Variants in PSD3 observed in about 807,000 individuals in gnomAD.
PSD3 encodes the protein PH and SEC7 domain-containing protein 3.
In PSD3, 49 loss-of-function variants were observed where a neutral mutation model predicts 105.5. That is an observed-to-expected ratio of 0.46 (90% confidence interval 0.37 to 0.59). The LOEUF is 0.59. Among genes scored for constraint, PSD3 ranks in the 20% least tolerant of loss-of-function variants. PSD3 has a pLI of 0.00. For synonymous variants in PSD3, 557 were observed against 457.8 expected, an observed-to-expected ratio of 1.22 and a Z score of -2.77; for missense variants, 1,561 against 1,263.8, an observed-to-expected ratio of 1.24 and a Z score of -3.57.
At chr8:18,781,898 T>C (rs1808672287) in intron 8 of PSD3, among the ~76,000 whole-genome samples, 1 of 152,164 alleles carries the variant, frequency 6.6e-6, no homozygotes, top group Non-Finnish European at 1.5e-5. Flanking sequence ...TTTTTAAAAA[T>C]GTTATCTGCT....
chr8:18,684,204 CCACACACACACA>C (rs67855105), intron 9 of PSD3: 10,384 of 195,560 alleles, frequency 0.053, 402 homozygotes, highest in Non-Finnish European at 0.063. Context: ...TCTCTCTTTT[CCACACACACACA>C]CACACACACA....
chr8:18,547,723 T>C (rs983925728), intron 15 of PSD3, among the ~76,000 whole-genome samples: 1 of 152,214 alleles, frequency 6.6e-6, no homozygotes, highest in African/African-American at 2.4e-5. Flanking sequence ...GCTTTCAAGA[T>C]TCTCTATGTT....
At position 18,743,949 on chromosome 8, in the gene PSD3, A is replaced by T. The variant is rs117672886; in HGVS notation, c.2172+21500T>A. ...CACTCCAGCCTGGGTGAAAGTGCAA[A>T]CTCTGTCTCTCACCACCACCACCAC... On this transcript the variant is annotated intron_variant, in intron 9 of 15. Coordinates refer to ENST00000327040, the MANE Select transcript of PSD3 (RefSeq NM_015310.4). Among the ~76,000 whole-genome samples the T allele has an allele frequency of 2.2e-3, 263 of 117,688 alleles. 1 individual carries two copies. Among genetic ancestry groups the T allele is most frequent in the Non-Finnish European group, 4.1e-3 (221 of 54,114 alleles). The allele number at this position is 117,688 out of a possible 152,430, so 77.2% of individuals were successfully genotyped here. A position where few individuals can be genotyped will look rare whatever the true frequency, so the allele number is the denominator to read the frequency against.
At chr8:18,712,277 C>T (rs568028674) in intron 9 of PSD3, among the ~76,000 whole-genome samples, 32 of 149,986 alleles carry the variant, frequency 2.1e-4, no homozygotes, top group African/African-American at 7.4e-4. Flanking sequence ...CTAAAATCAG[C>T]GCAGAACTGA....
intron 10 of PSD3, among the ~76,000 whole-genome samples, chr8:18,649,978 A>G (rs1344870235): frequency 2.0e-5 from 3 of 152,226 alleles, no homozygotes; most frequent in Admixed American, 6.5e-5. Flanking sequence ...CTGTGAGCCA[A>G]TTAAACCTCT....
intron 2 of PSD3, among the ~76,000 whole-genome samples, chr8:18,906,761 A>C (rs564761548): frequency 1.2e-4 from 18 of 152,386 alleles, no homozygotes; most frequent in African/African-American, 4.3e-4. Context: ...AAACAAATAC[A>C]GTCATGCACC....
chr8:18,603,924 C>T (rs987452562), intron 11 of PSD3, among the ~76,000 whole-genome samples: 2 of 152,184 alleles, frequency 1.3e-5, no homozygotes, highest in Non-Finnish European at 2.9e-5. Flanking sequence ...TCCTGTACAG[C>T]CTGCAGACCC....
intron 1 of PSD3, among the ~76,000 whole-genome samples, chr8:19,042,118 C>T (rs545215358): frequency 5.9e-4 from 90 of 152,198 alleles, no homozygotes; most frequent in Non-Finnish European, 1.1e-3. Flanking sequence ...TGATGAGAAA[C>T]AGCTGAATGA....
chr8:18,846,156 T>A (rs1815075012), intron 4 of PSD3, among the ~76,000 whole-genome samples: 1 of 152,214 alleles, frequency 6.6e-6, no homozygotes, highest in Non-Finnish European at 1.5e-5. Context: ...ACATTCTTAA[T>A]AAGCCATTTA....
intron 10 of PSD3, among the ~76,000 whole-genome samples, chr8:18,637,620 T>C (rs1014993469): frequency 6.6e-6 from 1 of 152,250 alleles, no homozygotes; most frequent in African/African-American, 2.4e-5. Flanking sequence ...GTTTGTTCCC[T>C]ACCATTGTAA....
chr8:19,048,270 G>A (rs1828395036), intron 1 of PSD3, among the ~76,000 whole-genome samples: 1 of 152,134 alleles, frequency 6.6e-6, no homozygotes. Context: ...CCCACAGGCT[G>A]CAGAGTCCTG....
At chr8:18,618,484 G>A (rs919108202) in intron 11 of PSD3, among the ~76,000 whole-genome samples, 9 of 150,936 alleles carry the variant, frequency 6.0e-5, no homozygotes, top group African/African-American at 1.5e-4. Flanking sequence ...TAAAAATGAT[G>A]GCAAATGATG....
intron 1 of PSD3, among the ~76,000 whole-genome samples, chr8:19,070,265 T>C (rs1400929250): frequency 1.3e-5 from 2 of 152,022 alleles, no homozygotes; most frequent in Non-Finnish European, 1.5e-5. Context: ...AACCTTTTAT[T>C]TTCCTGCACT....
At chr8:18,722,765 C>T (rs933085995) in intron 9 of PSD3, among the ~76,000 whole-genome samples, 1 of 152,172 alleles carries the variant, frequency 6.6e-6, no homozygotes, top group East Asian at 1.9e-4. Context: ...CCAGCGCCCC[C>T]TTCCATCTGC....
At chr8:18,567,820 T>C (rs770758221) in intron 14 of PSD3, among the ~76,000 whole-genome samples, 3 of 152,156 alleles carry the variant, frequency 2.0e-5, no homozygotes, top group African/African-American at 7.2e-5. Context: ...TCCAATGATA[T>C]AGTTTGGATG....
chr8:18,869,321 C>T (rs545543995), intron 3 of PSD3, among the ~76,000 whole-genome samples: 91 of 151,992 alleles, frequency 6.0e-4, no homozygotes, highest in African/African-American at 2.1e-3. Context: ...TCTCAAGCAG[C>T]TGGGATTACA....
intron 11 of PSD3, among the ~76,000 whole-genome samples, chr8:18,626,736 A>C (rs548715233): frequency 6.6e-6 from 1 of 152,266 alleles, no homozygotes; most frequent in South Asian, 2.1e-4. Context: ...GATTTCCAAG[A>C]AGGAGCAGCA....
intron 9 of PSD3, among the ~76,000 whole-genome samples, chr8:18,665,276 T>C (rs1799383054): frequency 6.6e-6 from 1 of 152,222 alleles, no homozygotes; most frequent in South Asian, 2.1e-4. Flanking sequence ...GGTCAAAATA[T>C]CAACATCAAC....
intron 11 of PSD3, among the ~76,000 whole-genome samples, chr8:18,611,740 C>T (rs757908165): frequency 4.1e-4 from 62 of 150,022 alleles, no homozygotes; most frequent in Non-Finnish European, 8.3e-4. Context: ...TTTATTAGAG[C>T]CTTAAGGGAA....
Sources: allele counts gnomAD v4.1 joint callset (sites outside exome capture counted in the v4.1 genomes callset), GRCh38; gene constraint gnomAD v4.1.1; transcripts MANE v1.5; gene names NCBI Gene and HGNC (gene_info 2026-07-23, HGNC 2026-07-21).